Variants in SORCS1 observed in about 807,000 individuals in gnomAD.
SORCS1 encodes sortilin related VPS10 domain containing receptor 1, also known as VPS10 domain-containing receptor SorCS1.
In SORCS1, 60 loss-of-function variants were observed where a neutral mutation model predicts 146.1. The observed-to-expected ratio is 0.41, with a 90% CI of 0.33 to 0.51. The LOEUF is 0.51. SORCS1 is among the 20% of genes least tolerant of loss of function. The probability of loss-of-function intolerance (pLI) is 0.21; values close to 1 mark genes in which losing one functional copy is unlikely to be tolerated. For synonymous variants in SORCS1, 637 were observed against 584.0 expected (o/e 1.09, Z -1.31); for missense variants, 1,352 against 1,487.6 (o/e 0.91, Z 1.50).
chr10:107,006,868 C>G (rs1957466942), intron 1 of SORCS1, among the ~76,000 whole-genome samples: 1 of 152,094 alleles, frequency 6.6e-6, no homozygotes, highest in Non-Finnish European at 1.5e-5. Context: ...ACTGCAGATT[C>G]TTCTATTATT....
intron 9 of SORCS1, among the ~76,000 whole-genome samples, chr10:106,691,681 T>A (rs941407880): frequency 6.6e-6 from 1 of 152,152 alleles, no homozygotes; most frequent in Non-Finnish European, 1.5e-5. Flanking sequence ...AGCCTCCTGA[T>A]GTGCCTCTAC....
At chr10:107,139,118 A>G (rs1270607905) in intron 1 of SORCS1, among the ~76,000 whole-genome samples, 1 of 152,216 alleles carries the variant, frequency 6.6e-6, no homozygotes, top group Non-Finnish European at 1.5e-5. Context: ...TATGAATCTA[A>G]GCATGAAAAT....
At chr10:107,154,957 T>C (rs184797018) in intron 1 of SORCS1, among the ~76,000 whole-genome samples, 2 of 152,310 alleles carry the variant, frequency 1.3e-5, no homozygotes, top group Admixed American at 6.5e-5. Flanking sequence ...AGAGATAAAG[T>C]TAATTGCACA....
chr10:106,716,634 T>C (rs1314921228), intron 6 of SORCS1, among the ~76,000 whole-genome samples: 2 of 152,214 alleles, frequency 1.3e-5, no homozygotes, highest in African/African-American at 4.8e-5. Context: ...TTGAACAGCC[T>C]TTTCCTTTCC....
intron 5 of SORCS1, among the ~76,000 whole-genome samples, chr10:106,731,520 C>T (rs959192165): frequency 1.5e-4 from 23 of 152,172 alleles, no homozygotes; most frequent in South Asian, 1.5e-3. Flanking sequence ...TTCACCTAAC[C>T]CCTGAATCAT....
intron 2 of SORCS1, among the ~76,000 whole-genome samples, chr10:106,938,614 T>C (rs760665987): frequency 1.5e-4 from 23 of 152,354 alleles, no homozygotes; most frequent in Non-Finnish European, 2.6e-4. Flanking sequence ...GGAGGAGCAA[T>C]TGTATCATGT....
intron 1 of SORCS1, among the ~76,000 whole-genome samples, chr10:107,095,140 G>A (rs1247866337): frequency 6.6e-6 from 1 of 152,158 alleles, no homozygotes; most frequent in African/African-American, 2.4e-5. Flanking sequence ...TAGAGTAAAT[G>A]GCCCAAGCTA....
intron 1 of SORCS1, among the ~76,000 whole-genome samples, chr10:107,117,118 C>T (rs1966089450): frequency 6.6e-6 from 1 of 152,098 alleles, no homozygotes; most frequent in Non-Finnish European, 1.5e-5. Context: ...AATTCTTAGC[C>T]TATCCCTATT....
At chr10:106,718,324 C>T (rs924213308) in intron 6 of SORCS1, among the ~76,000 whole-genome samples, 5 of 152,146 alleles carry the variant, frequency 3.3e-5, no homozygotes, top group African/African-American at 7.2e-5. Context: ...TTTCTGTGTC[C>T]GCAATTGGTT....
In SORCS1 at chr10:106,577,146, T is replaced by G; in HGVS notation, c.*274A>C. The stretch of plus-strand genomic sequence containing the variant: ...CCCGATGCAGTGAGTGTTTGTTTGT[T>G]TGTTTGGATTTTGATTGTTTATATT... On this transcript the variant is annotated 3_prime_UTR_variant, in exon 26 of 26. Coordinates refer to ENST00000263054, the MANE Select transcript of SORCS1 (RefSeq NM_052918.5). 1 of 1,279,836 alleles carries G rather than the reference T, an allele frequency of 7.8e-7. No homozygotes were observed. Among genetic ancestry groups the G allele is most frequent in the Non-Finnish European group, 1.0e-6 (1 of 956,446 alleles). The allele number at this position is 1,279,836 out of a possible 1,614,324, so 79.3% of individuals were successfully genotyped here.
At chr10:106,684,347 G>C (rs553440371) in intron 10 of SORCS1, among the ~76,000 whole-genome samples, 1 of 152,044 alleles carries the variant, frequency 6.6e-6, no homozygotes, top group African/African-American at 2.4e-5. Context: ...CAAAAAAACA[G>C]AAAAGAAAAG....
chr10:106,656,574 A>C, intron 17 of SORCS1, among the ~76,000 whole-genome samples: 1 of 152,144 alleles, frequency 6.6e-6, no homozygotes. Flanking sequence ...AAAAAAGATG[A>C]AGGCAATATT....
intron 1 of SORCS1, among the ~76,000 whole-genome samples, chr10:107,080,586 G>A (rs961470630): frequency 2.0e-5 from 3 of 152,154 alleles, no homozygotes; most frequent in African/African-American, 7.2e-5. Context: ...TTTATAAAGA[G>A]CTTGGTATGT....
intron 1 of SORCS1, among the ~76,000 whole-genome samples, chr10:107,096,353 T>C (rs1261422643): frequency 6.6e-6 from 1 of 152,228 alleles, no homozygotes. Context: ...TTTTACCACA[T>C]ACTATTGATA....
chr10:107,119,907 T>C (rs1337104858), intron 1 of SORCS1, among the ~76,000 whole-genome samples: 1 of 152,166 alleles, frequency 6.6e-6, no homozygotes, highest in African/African-American at 2.4e-5. Flanking sequence ...TCTCTATCTA[T>C]GGAACTATCC....
chr10:106,750,525 C>T (rs1030886039), intron 5 of SORCS1, among the ~76,000 whole-genome samples: 1 of 139,402 alleles, frequency 7.2e-6, no homozygotes, highest in African/African-American at 2.7e-5. Context: ...GATAGGAGAT[C>T]GAGACGATCC....
chr10:106,728,480 G>T (rs1856366366), intron 6 of SORCS1, among the ~76,000 whole-genome samples: 1 of 152,120 alleles, frequency 6.6e-6, no homozygotes, highest in African/African-American at 2.4e-5. Flanking sequence ...GTTACATGTG[G>T]CAGCTTTGCC....
At chr10:107,065,408 C>CTTT (rs1300544793) in intron 1 of SORCS1, among the ~76,000 whole-genome samples, 5 of 87,202 alleles carry the variant, frequency 5.7e-5, no homozygotes, top group African/African-American at 3.5e-4. Context: ...TTTTCTTTCT[C>CTTT]TCTTTCTTTT....
intron 15 of SORCS1, among the ~76,000 whole-genome samples, chr10:106,672,311 T>C (rs1851668221): frequency 6.6e-6 from 1 of 152,162 alleles, no homozygotes; most frequent in Admixed American, 6.5e-5. Flanking sequence ...AGCATTTTGA[T>C]ATAAGCTGGA....
Sources: allele counts gnomAD v4.1 joint callset (sites outside exome capture counted in the v4.1 genomes callset), GRCh38; gene constraint gnomAD v4.1.1; transcripts MANE v1.5; gene names NCBI Gene and HGNC (gene_info 2026-07-23, HGNC 2026-07-21).